Variants in ABRAXAS2 observed in about 807,000 individuals in gnomAD.
The protein encoded by ABRAXAS2 is abraxas 2, BRISC complex subunit.
Under a neutral mutation model 49.0 loss-of-function variants are expected in ABRAXAS2, and 23 were observed. The ratio of observed to expected loss-of-function variants is 0.47; its 90% CI spans 0.34 to 0.66. ABRAXAS2 has a LOEUF of 0.66. Among genes scored for constraint, ABRAXAS2 ranks in the 30% least tolerant of loss-of-function variants. ABRAXAS2 has a pLI of 0.01. For missense variants in ABRAXAS2, 443 were observed against 511.9 expected, an observed-to-expected ratio of 0.87 and a Z score of 1.30; for synonymous variants, 168 against 180.2, an observed-to-expected ratio of 0.93 and a Z score of 0.54.
chr10:124,818,854 G>A (rs1950842617), intron 3 of ABRAXAS2, among the ~76,000 whole-genome samples: 1 of 152,136 alleles, frequency 6.6e-6, no homozygotes, highest in Non-Finnish European at 1.5e-5. Context: ...GTGATTTGGA[G>A]GAAGTCACTT....
intron 4 of ABRAXAS2, among the ~76,000 whole-genome samples, chr10:124,821,491 G>C (rs545976236): frequency 6.6e-6 from 1 of 151,876 alleles, no homozygotes; most frequent in Admixed American, 6.6e-5. Flanking sequence ...GCTTGAACCC[G>C]GGAGGCAGAG....
At chr10:124,814,707 C>T (rs976630862) in intron 2 of ABRAXAS2, among the ~76,000 whole-genome samples, 3 of 149,706 alleles carry the variant, frequency 2.0e-5, no homozygotes, top group Non-Finnish European at 3.0e-5. Context: ...TGGGGTGTAG[C>T]GACATGATCT....
chr10:124,811,455 C>T (rs1361176261), intron 2 of ABRAXAS2, among the ~76,000 whole-genome samples: 2 of 150,578 alleles, frequency 1.3e-5, no homozygotes, highest in Non-Finnish European at 3.0e-5. Flanking sequence ...GGGCCGGGCA[C>T]GGTGGCTTAA....
chr10:124,807,745 A>G (rs1415524949), intron 2 of ABRAXAS2, among the ~76,000 whole-genome samples: 1 of 152,204 alleles, frequency 6.6e-6, no homozygotes, highest in Non-Finnish European at 1.5e-5. Context: ...TTCCTTACCC[A>G]CCAATGGGGG....
intron 8 of ABRAXAS2, among the ~76,000 whole-genome samples, chr10:124,831,840 G>GTATTTTTTTT (rs1564925948): frequency 5.6e-5 from 6 of 106,208 alleles, no homozygotes; most frequent in South Asian, 3.3e-4. Context: ...ACTGTGTCCT[G>GTATTTTTTTT]TCTTTTTTTT....
intron 2 of ABRAXAS2, chr10:124,814,849 G>C (rs1001613378): frequency 4.7e-5 from 7 of 150,410 alleles, no homozygotes; most frequent in South Asian, 2.1e-4. Context: ...ATTTCACCAT[G>C]TTAGCCAGGC....
intron 2 of ABRAXAS2, among the ~76,000 whole-genome samples, chr10:124,814,658 T>G (rs1391425955): frequency 6.7e-6 from 1 of 149,456 alleles, no homozygotes; most frequent in African/African-American, 2.5e-5. Context: ...ATTTATTTAT[T>G]TATATTTTTG....
intron 7 of ABRAXAS2, 124 bp from the exon 8 acceptor site, chr10:124,831,225 T>A: frequency 1.5e-6 from 1 of 666,786 alleles, no homozygotes; most frequent in Middle Eastern, 2.4e-4. Context: ...TGTTCTACCT[T>A]ATGTGGCTGC....
chr10:124,834,754 C>T lies in ABRAXAS2; in HGVS notation c.1031C>T (p.Ser344Phe). The T allele has an allele frequency of 6.2e-7, 1 of 1,614,108 alleles. No homozygotes were observed. Among genetic ancestry groups the T allele is most frequent in the Non-Finnish European group, 8.5e-7 (1 of 1,180,036 alleles). ...GCTGTGGGCTCTTCCAATTATGCTTCCACCAGTGCCGGACTGAAGTATCCT... is the reference window on the plus strand; with the variant it reads ...GCTGTGGGCTCTTCCAATTATGCTTTCACCAGTGCCGGACTGAAGTATCCT... Reference protein sequence around the residue: ...PQAVGSSNYASTSAGLKYPGS... With the variant: ...PQAVGSSNYAFTSAGLKYPGS... The change falls in exon 9 of 9, where the codon TCC becomes TTC. Residue 344 changes from serine (S) to phenylalanine (F), a missense_variant. Around this residue, in one of 3 missense-constraint regions of ABRAXAS2, gnomAD observed 230 missense variants for 237.0 expected, o/e 0.97. Transcript: ENST00000298492.
At chr10:124,820,124 C>G (rs1390309707) in intron 4 of ABRAXAS2, among the ~76,000 whole-genome samples, 3 of 152,174 alleles carry the variant, frequency 2.0e-5, no homozygotes. Flanking sequence ...TTAACAGTGT[C>G]AGGAGTAAGT....
At chr10:124,823,778 C>T (rs1950877464) in intron 4 of ABRAXAS2, among the ~76,000 whole-genome samples, 1 of 152,226 alleles carries the variant, frequency 6.6e-6, no homozygotes, top group Non-Finnish European at 1.5e-5. Flanking sequence ...TGCTTTTCAA[C>T]ATCAGTGACT....
intron 1 of ABRAXAS2, among the ~76,000 whole-genome samples, chr10:124,803,348 A>T (rs1205834587): frequency 6.6e-6 from 1 of 152,222 alleles, no homozygotes; most frequent in Non-Finnish European, 1.5e-5. Flanking sequence ...ACTTTGCCAC[A>T]ATTATAGATG....
rs994893101 is a variant in ABRAXAS2, at chr10:124,819,524, T to A, written c.267+74T>A. The A allele has an allele frequency of 1.4e-5, 19 of 1,318,018 alleles. 2 individuals are homozygous for A. Among genetic ancestry groups the A allele is most frequent in the Admixed American group, 1.2e-4 (7 of 56,808 alleles). 81.6% of individuals were successfully genotyped at this position (1,318,018 alleles called of 1,614,324 possible). ...CCGAAAAGATAAAACCAGACAGGAA[T>A]GTAAAATGGAACAATAAGATTTCAT... is the stretch of plus-strand genomic sequence containing the variant. On this transcript the variant is annotated intron_variant, in intron 4 of 8. Coordinates refer to ENST00000298492, the MANE Select transcript of ABRAXAS2 (RefSeq NM_032182.4).
chr10:124,826,937 T>G, intron 5 of ABRAXAS2, 152 bp downstream of exon 5: 1 of 757,734 alleles, frequency 1.3e-6, no homozygotes, highest in South Asian at 1.8e-5. Context: ...CATGGTGAAA[T>G]TCAAAAATTA....
chr10:124,814,153 G>A (rs1478871705), intron 2 of ABRAXAS2, among the ~76,000 whole-genome samples: 1 of 151,784 alleles, frequency 6.6e-6, no homozygotes, highest in Admixed American at 6.6e-5. Context: ...CACCATGCCC[G>A]GCTAATTTTG....
intron 1 of ABRAXAS2, among the ~76,000 whole-genome samples, chr10:124,803,552 A>C (rs1171165404): frequency 6.6e-6 from 1 of 152,216 alleles, no homozygotes; most frequent in Non-Finnish European, 1.5e-5. Flanking sequence ...CTCTATAGCA[A>C]CTATTCAACT....
intron 2 of ABRAXAS2, among the ~76,000 whole-genome samples, chr10:124,807,312 C>CAA (rs764661303): frequency 6.1e-3 from 202 of 32,974 alleles, no homozygotes; most frequent in African/African-American, 7.8e-3. Context: ...GACTCTGTCT[C>CAA]AAAAAAAAAA....
At chr10:124,824,100 C>G (rs1229712536) in intron 4 of ABRAXAS2, among the ~76,000 whole-genome samples, 1 of 151,988 alleles carries the variant, frequency 6.6e-6, no homozygotes, top group Non-Finnish European at 1.5e-5. Flanking sequence ...TGGGGTCTTG[C>G]TATCTGGCTC....
At chr10:124,822,207 T>G (rs1397595837) in intron 4 of ABRAXAS2, among the ~76,000 whole-genome samples, 1 of 152,136 alleles carries the variant, frequency 6.6e-6, no homozygotes, top group Non-Finnish European at 1.5e-5. Flanking sequence ...CTATGGGAGA[T>G]GAAGCAGTCC....
Sources: gnomAD v4.1 joint callset for allele counts (sites outside exome capture counted in the v4.1 genomes callset) on GRCh38, gnomAD v4.1.1 for gene constraint, gnomAD v4.1.1 regional missense constraint, MANE v1.5 for transcripts, NCBI Gene and HGNC (gene_info 2026-07-23, HGNC 2026-07-21) for gene names.